The following ASIC2 variants were observed in gnomAD, a reference collection of about 807,000 sequenced individuals.
ASIC2 encodes the protein acid-sensing ion channel 2.
Under a neutral mutation model 57.3 loss-of-function variants are expected in ASIC2, and 25 were observed. The observed-to-expected ratio is 0.44, with a 90% CI of 0.32 to 0.61. The LOEUF is 0.61. Ranked by LOEUF, ASIC2 falls within the 20% of genes least tolerant of loss-of-function variation. The pLI is 0.06. For missense variants in ASIC2, 641 were observed against 738.1 expected (o/e 0.87, Z 1.52); for synonymous variants, 319 against 307.5 (o/e 1.04, Z -0.39).
intron 1 of ASIC2, among the ~76,000 whole-genome samples, chr17:33,703,324 T>TTTCTTG (rs1018322264): frequency 2.0e-5 from 3 of 151,452 alleles, no homozygotes; most frequent in Non-Finnish European, 2.9e-5. Flanking sequence ...TCTTTTTCTT[T>TTTCTTG]TTTTTTTTGT....
chr17:33,393,076 C>T (rs1283153074), intron 1 of ASIC2, among the ~76,000 whole-genome samples: 1 of 152,204 alleles, frequency 6.6e-6, no homozygotes, highest in Non-Finnish European at 1.5e-5. Context: ...TCCAAACTCA[C>T]CTCCTGGCCA....
intron 1 of ASIC2, among the ~76,000 whole-genome samples, chr17:33,753,545 A>G (rs1231428523): frequency 1.3e-5 from 2 of 152,260 alleles, no homozygotes; most frequent in Admixed American, 6.5e-5. Flanking sequence ...CAATTCGTGA[A>G]TGGGGCAACC....
intron 3 of ASIC2, among the ~76,000 whole-genome samples, chr17:33,034,226 A>T (rs1875856930): frequency 6.6e-6 from 1 of 152,060 alleles, no homozygotes; most frequent in South Asian, 2.1e-4. Flanking sequence ...TGCATCCTTC[A>T]TTCTTCCTGG....
chr17:33,136,120 C>T (rs575596192), intron 1 of ASIC2, among the ~76,000 whole-genome samples: 8 of 152,154 alleles, frequency 5.3e-5, no homozygotes, highest in East Asian at 1.9e-4. Flanking sequence ...CATGTGTTCC[C>T]GTGTGCACGT....
intron 1 of ASIC2, among the ~76,000 whole-genome samples, chr17:33,700,757 C>T (rs979737094): frequency 2.6e-5 from 4 of 152,100 alleles, no homozygotes; most frequent in Admixed American, 1.3e-4. Context: ...TCACTAGTTC[C>T]CTTCAGACAC....
chr17:33,764,405 G>A (rs1418061846), intron 1 of ASIC2, among the ~76,000 whole-genome samples: 1 of 151,824 alleles, frequency 6.6e-6, no homozygotes, highest in Non-Finnish European at 1.5e-5. Flanking sequence ...GGGTGTGTTA[G>A]TCTATATTCT....
At chr17:33,733,491 A>G (rs1331261975) in intron 1 of ASIC2, among the ~76,000 whole-genome samples, 1 of 152,158 alleles carries the variant, frequency 6.6e-6, no homozygotes, top group East Asian at 1.9e-4. Context: ...GGAGACGGAG[A>G]GGGTGAGGGA....
At chr17:33,194,267 T>TGG (rs1906540924) in intron 1 of ASIC2, among the ~76,000 whole-genome samples, 1 of 152,242 alleles carries the variant, frequency 6.6e-6, no homozygotes, top group East Asian at 1.9e-4. Flanking sequence ...CCAATGCCAT[T>TGG]CTGACCAAGA....
intron 2 of ASIC2, among the ~76,000 whole-genome samples, chr17:33,109,277 C>T (rs1045487714): frequency 1.3e-4 from 20 of 152,212 alleles, no homozygotes; most frequent in African/African-American, 4.8e-4. Context: ...ATTCTCCTAG[C>T]CACCTTGCAA....
At chr17:33,977,041 T>C (rs317328) in intron 1 of ASIC2, among the ~76,000 whole-genome samples, 85,020 of 151,850 alleles carry the variant, frequency 0.56, 24,533 homozygotes, top group Non-Finnish European at 0.65. Context: ...AGCTGGCCCC[T>C]GGTATTTCTG....
chr17:33,168,821 A>ACT (rs1419335736), intron 1 of ASIC2, among the ~76,000 whole-genome samples: 1 of 152,118 alleles, frequency 6.6e-6, no homozygotes, highest in Non-Finnish European at 1.5e-5. Context: ...GATTTGAAAA[A>ACT]CTCTCAGTCT....
At chr17:34,061,844 G>A (rs959197505) in intron 1 of ASIC2, among the ~76,000 whole-genome samples, 6 of 152,100 alleles carry the variant, frequency 3.9e-5, no homozygotes, top group South Asian at 2.1e-4. Flanking sequence ...AAACATACAC[G>A]CATCTAACAC....
At chr17:33,021,692 C>T (rs986498218) in intron 6 of ASIC2, among the ~76,000 whole-genome samples, 6 of 152,260 alleles carry the variant, frequency 3.9e-5, no homozygotes, top group African/African-American at 1.4e-4. Context: ...CCTGCTCCAG[C>T]TGACCTCATG....
At chr17:33,377,191 C>T (rs1362919873) in intron 1 of ASIC2, among the ~76,000 whole-genome samples, 1 of 152,148 alleles carries the variant, frequency 6.6e-6, no homozygotes, top group African/African-American at 2.4e-5. Context: ...GCTGGGACTA[C>T]AGACACTTGC....
chr17:34,129,324 GC>G (rs1272038422), intron 1 of ASIC2, among the ~76,000 whole-genome samples: 2 of 152,120 alleles, frequency 1.3e-5, no homozygotes, highest in South Asian at 4.1e-4. Context: ...TCACTCTGAG[GC>G]CAAACTCTCC....
chr17:33,186,468 T>A (rs1200994555), intron 1 of ASIC2, among the ~76,000 whole-genome samples: 1 of 152,212 alleles, frequency 6.6e-6, no homozygotes, highest in Non-Finnish European at 1.5e-5. Context: ...GACTTATTAC[T>A]TGCTGTTTAT....
intron 1 of ASIC2, among the ~76,000 whole-genome samples, chr17:33,159,470 C>T (rs1189151782): frequency 6.6e-6 from 1 of 152,090 alleles, no homozygotes; most frequent in Non-Finnish European, 1.5e-5. Context: ...CTCCCCTCTC[C>T]CTCCCGTTTT....
chr17:34,064,306 G>C (rs1254595609), intron 1 of ASIC2, among the ~76,000 whole-genome samples: 1 of 152,110 alleles, frequency 6.6e-6, no homozygotes, highest in Non-Finnish European at 1.5e-5. Context: ...AATGGTGCTG[G>C]GATAATTGGC....
intron 1 of ASIC2, among the ~76,000 whole-genome samples, chr17:34,111,770 C>T (rs144191047): frequency 6.6e-6 from 1 of 152,114 alleles, no homozygotes; most frequent in African/African-American, 2.4e-5. Flanking sequence ...ATCTTCACTG[C>T]GGCATTATTT....
Sources: gnomAD v4.1 joint callset for allele counts (sites outside exome capture counted in the v4.1 genomes callset) on GRCh38, gnomAD v4.1.1 for gene constraint, MANE v1.5 for transcripts, NCBI Gene and HGNC (gene_info 2026-07-23, HGNC 2026-07-21) for gene names.